The following PEX5L variants were observed in gnomAD, a reference collection of about 807,000 sequenced individuals.
PEX5L encodes PEX5-related protein.
In PEX5L, 30 loss-of-function variants were observed where a neutral mutation model predicts 84.0. The observed-to-expected ratio is 0.36, with a 90% CI of 0.27 to 0.48. The LOEUF (loss-of-function observed/expected upper bound fraction) is 0.48. Among genes scored for constraint, PEX5L ranks in the 20% least tolerant of loss-of-function variants. The pLI, the probability that PEX5L is intolerant of heterozygous loss-of-function variation, is 0.99. For missense variants in PEX5L, 533 were observed against 754.6 expected (o/e 0.71, Z 3.44); for synonymous variants, 270 against 283.1 (o/e 0.95, Z 0.46).
At chr3:179,840,375 G>C (rs1560321666) in intron 8 of PEX5L, among the ~76,000 whole-genome samples, 1 of 151,842 alleles carries the variant, frequency 6.6e-6, no homozygotes, top group African/African-American at 2.4e-5. Context: ...TTTCAGTAGA[G>C]ACAGGGTTTC....
chr3:179,967,682 A>G (rs370751060), intron 2 of PEX5L, among the ~76,000 whole-genome samples: 43 of 61,882 alleles, frequency 6.9e-4, no homozygotes, highest in African/African-American at 3.1e-3. Context: ...CAGTTTTTAG[A>G]TCCCTGGGTA....
intron 8 of PEX5L, among the ~76,000 whole-genome samples, chr3:179,840,803 A>G (rs1375137533): frequency 6.6e-6 from 1 of 152,134 alleles, no homozygotes. Context: ...TCATGGTGCT[A>G]TTATTGAACT....
intron 5 of PEX5L, among the ~76,000 whole-genome samples, chr3:179,878,481 A>G (rs376701506): frequency 1.3e-5 from 2 of 152,194 alleles, no homozygotes; most frequent in Non-Finnish European, 2.9e-5. Context: ...AAGGATTCCT[A>G]TGATCTCACC....
At chr3:180,002,729 C>G (rs151026541) in intron 1 of PEX5L, among the ~76,000 whole-genome samples, 1 of 152,152 alleles carries the variant, frequency 6.6e-6, no homozygotes, top group African/African-American at 2.4e-5. Context: ...TCAGTTTTAA[C>G]TATAGCTAGA....
Position 179,860,248 on chromosome 3 carries a change from G to C in PEX5L, c.727-1091C>G, listed in dbSNP as rs868426213. On this transcript the variant is annotated intron_variant, in intron 7 of 14. Transcript: ENST00000467460. ...AGACAAGGGATGAGTGCCCACATAC[G>C]CCTAAGGGCTGCAGGATGAGGCATG... is the stretch of plus-strand genomic sequence containing the variant. Among the ~76,000 whole-genome samples, 21 of 152,326 alleles carry C rather than the reference G, an allele frequency of 1.4e-4. No individual in the cohort carries two copies. In the South Asian group the frequency reaches 2.9e-3, roughly 21 times the overall value.
At chr3:179,864,320 G>GAT (rs1747354360) in intron 7 of PEX5L, among the ~76,000 whole-genome samples, 1 of 152,176 alleles carries the variant, frequency 6.6e-6, no homozygotes. Flanking sequence ...AGGAGAATGT[G>GAT]ATATATATAG....
chr3:179,841,691 GT>G lies in PEX5L; in HGVS notation c.822+17370del, dbSNP rs199668439. On this transcript the variant is annotated intron_variant, in intron 8 of 14. Transcript: ENST00000467460. ...CATTCAACTTCTTAAAGTACTTGAA[GT>G]TGTTTTCCCTCACATATGTAGTACA... Among the ~76,000 whole-genome samples the G allele has an allele frequency of 2.9e-3, 439 of 152,280 alleles. 1 individual carries two copies. Among genetic ancestry groups the G allele is most frequent in the East Asian group, 0.013 (66 of 5,186 alleles).
In PEX5L at chr3:179,971,717, C is replaced by G. The variant is rs1276770235; in HGVS notation, c.22-52G>C. 8.4e-6 allele frequency: 12 copies of G among 1,435,578 alleles called. No homozygotes were observed. In the South Asian group the frequency reaches 1.7e-4, roughly 20 times the overall value. The allele number at this position is 1,435,578 out of a possible 1,614,324, so 88.9% of individuals were successfully genotyped here. On this transcript the variant is annotated intron_variant, in intron 1 of 14. Transcript: ENST00000467460. ...CATTTAGTTTCTATCCATTAACAAT[C>G]TTAATTCTACTTAATATTTTTAAAG...
At chr3:179,839,833 A>G (rs1405685120) in intron 8 of PEX5L, among the ~76,000 whole-genome samples, 2 of 151,682 alleles carry the variant, frequency 1.3e-5, no homozygotes, top group Admixed American at 6.6e-5. Flanking sequence ...GCAAATAAAT[A>G]ATTGTTAGAA....
chr3:179,877,610 C>A (rs1752834619), intron 5 of PEX5L, among the ~76,000 whole-genome samples: 1 of 152,008 alleles, frequency 6.6e-6, no homozygotes, highest in Admixed American at 6.6e-5. Context: ...AGGCTTATGC[C>A]ACTATGCCAG....
chr3:179,848,646 T>C (rs775028476), intron 8 of PEX5L, among the ~76,000 whole-genome samples: 3 of 151,888 alleles, frequency 2.0e-5, no homozygotes, highest in Admixed American at 6.6e-5. Context: ...GAAAGAGTGA[T>C]GGTTTCTAAT....
intron 2 of PEX5L, among the ~76,000 whole-genome samples, chr3:179,936,192 A>G (rs1016762937): frequency 6.6e-6 from 1 of 152,142 alleles, no homozygotes; most frequent in African/African-American, 2.4e-5. Flanking sequence ...AGAGTGGTGG[A>G]GTTGAGCCAA....
At chr3:179,961,905 T>C (rs1782137550) in intron 2 of PEX5L, among the ~76,000 whole-genome samples, 1 of 128,972 alleles carries the variant, frequency 7.8e-6, no homozygotes, top group South Asian at 2.7e-4. Context: ...CCATGGCCAG[T>C]TGAGGGGGAG....
intron 8 of PEX5L, among the ~76,000 whole-genome samples, chr3:179,832,894 C>T (rs556650595): frequency 4.5e-4 from 68 of 151,964 alleles, no homozygotes; most frequent in African/African-American, 1.5e-3. Flanking sequence ...CTTACCCACC[C>T]GCCCACCTAC....
At chr3:179,992,336 C>T (rs67767464) in intron 1 of PEX5L, among the ~76,000 whole-genome samples, 20,977 of 152,034 alleles carry the variant, frequency 0.14, 1,686 homozygotes, top group African/African-American at 0.22. Flanking sequence ...AAAAAGGAGG[C>T]TCAAGAAAGG....
Position 179,926,683 on chromosome 3 carries a change from G to C in PEX5L, c.94-28437C>G, listed in dbSNP as rs978989416. 3.3e-5 allele frequency among the ~76,000 whole-genome samples: 5 copies of C among 152,218 alleles called. No individual in the cohort carries two copies. The East Asian group carries it at 7.7e-4, about 23-fold the overall frequency. ...TTGCTGTTGTCTCTCCAACTAGAAT[G>C]AGGCTGTTCAGGAAACCCTGGGCTT... On this transcript the variant is annotated intron_variant, in intron 2 of 14. Transcript: ENST00000467460.
intron 7 of PEX5L, among the ~76,000 whole-genome samples, chr3:179,869,223 A>T (rs1227445674): frequency 6.6e-6 from 1 of 152,184 alleles, no homozygotes; most frequent in Non-Finnish European, 1.5e-5. Context: ...AAGTGTCCAA[A>T]TCCAAAAAGG....
chr3:179,920,246 G>T (rs536440341), intron 2 of PEX5L, among the ~76,000 whole-genome samples: 1 of 152,228 alleles, frequency 6.6e-6, no homozygotes, highest in Non-Finnish European at 1.5e-5. Flanking sequence ...CAGAACCAGC[G>T]TGCTCCCTTC....
chr3:179,853,811 ATTC>A (rs1471595370), intron 8 of PEX5L, among the ~76,000 whole-genome samples: 9 of 141,052 alleles, frequency 6.4e-5, no homozygotes, highest in Admixed American at 2.8e-4. Flanking sequence ...TCTTCTTCTT[ATTC>A]TTCTTCTTCT....
Sources: gnomAD v4.1 joint callset for allele counts (sites outside exome capture counted in the v4.1 genomes callset) on GRCh38, gnomAD v4.1.1 for gene constraint, MANE v1.5 for transcripts, NCBI Gene and HGNC (gene_info 2026-07-23, HGNC 2026-07-21) for gene names.